SGCZ: variants seen among roughly 807,000 people sequenced by gnomAD.
SGCZ encodes the protein sarcoglycan zeta, also known as zeta-sarcoglycan.
Under a neutral mutation model 41.3 loss-of-function variants are expected in SGCZ, and 40 were observed. The observed-to-expected ratio is 0.97, with a 90% CI of 0.75 to 1.26. The LOEUF (loss-of-function observed/expected upper bound fraction) is 1.26, where lower values mean the gene tolerates loss of function less well. Ranked by LOEUF, SGCZ falls within the 50% of genes most tolerant of loss-of-function variation. SGCZ has a pLI of 0.00. For missense variants in SGCZ, 552 were observed against 369.8 expected (o/e 1.49, Z -4.04); for synonymous variants, 206 against 137.5 (o/e 1.50, Z -3.49).
intron 3 of SGCZ, among the ~76,000 whole-genome samples, chr8:14,257,618 G>A (rs1255270788): frequency 6.6e-6 from 1 of 150,414 alleles, no homozygotes; most frequent in Admixed American, 6.6e-5. Context: ...ATCTACTAAT[G>A]CTATCCCTCC....
intron 1 of SGCZ, among the ~76,000 whole-genome samples, chr8:14,960,711 T>G (rs1800935738): frequency 6.6e-6 from 1 of 152,100 alleles, no homozygotes; most frequent in Admixed American, 6.6e-5. Context: ...ACTGTACCAC[T>G]TCTGAGCTGT....
intron 1 of SGCZ, among the ~76,000 whole-genome samples, chr8:15,195,044 C>CA (rs981757027): frequency 6.6e-6 from 1 of 151,994 alleles, no homozygotes; most frequent in African/African-American, 2.4e-5. Flanking sequence ...TATTGCCATC[C>CA]AAAAAAATAA....
intron 1 of SGCZ, among the ~76,000 whole-genome samples, chr8:14,598,527 A>G (rs1805487975): frequency 6.6e-6 from 1 of 151,794 alleles, no homozygotes; most frequent in Non-Finnish European, 1.5e-5. Flanking sequence ...TTATATATAT[A>G]CATAGCTTTT....
chr8:15,052,008 A>G (rs1303559488), intron 1 of SGCZ, among the ~76,000 whole-genome samples: 3 of 152,186 alleles, frequency 2.0e-5, no homozygotes, highest in African/African-American at 4.8e-5. Flanking sequence ...TTGAAGTCAC[A>G]ACATTAATGT....
chr8:14,426,862 GA>G (rs1478410116), intron 2 of SGCZ, among the ~76,000 whole-genome samples: 1 of 152,024 alleles, frequency 6.6e-6, no homozygotes, highest in Non-Finnish European at 1.5e-5. Flanking sequence ...AAAAAGAATG[GA>G]AAAAATGTCT....
intron 1 of SGCZ, among the ~76,000 whole-genome samples, chr8:14,573,757 T>C (rs915701212): frequency 9.9e-5 from 15 of 152,134 alleles, no homozygotes; most frequent in African/African-American, 3.6e-4. Context: ...ATTCAACGAA[T>C]AGTATAAGTA....
At chr8:14,150,875 A>T (rs891695392) in intron 5 of SGCZ, among the ~76,000 whole-genome samples, 2 of 152,172 alleles carry the variant, frequency 1.3e-5, no homozygotes, top group African/African-American at 4.8e-5. Context: ...ACTTGCATCA[A>T]CGTGGATGGA....
chr8:14,582,029 C>T (rs1196365252), intron 1 of SGCZ, among the ~76,000 whole-genome samples: 1 of 152,114 alleles, frequency 6.6e-6, no homozygotes, highest in Non-Finnish European at 1.5e-5. Context: ...TCTTCTCCCT[C>T]CTCCTCAGCC....
intron 2 of SGCZ, among the ~76,000 whole-genome samples, chr8:14,419,255 G>A (rs17119276): frequency 0.57 from 86,422 of 151,778 alleles, 25,473 homozygotes; most frequent in South Asian, 0.75. Context: ...CCATATCTGG[G>A]TTATTAGACC....
intron 4 of SGCZ, among the ~76,000 whole-genome samples, chr8:14,186,371 G>T (rs56040119): frequency 0.44 from 66,645 of 152,024 alleles, 15,605 homozygotes; most frequent in South Asian, 0.7. Flanking sequence ...TAATGTGATG[G>T]AAATTCCACT....
chr8:15,037,756 AAAT>A (rs1205953094), intron 1 of SGCZ, among the ~76,000 whole-genome samples: 1 of 152,220 alleles, frequency 6.6e-6, no homozygotes, highest in Non-Finnish European at 1.5e-5. Context: ...AACTGTTTAG[AAAT>A]AATAAACAAA....
intron 1 of SGCZ, among the ~76,000 whole-genome samples, chr8:14,722,100 C>T (rs1488578255): frequency 6.6e-6 from 1 of 152,120 alleles, no homozygotes; most frequent in East Asian, 1.9e-4. Context: ...GTCTTGCTTT[C>T]TCCTTTTCCT....
intron 2 of SGCZ, among the ~76,000 whole-genome samples, chr8:14,529,532 T>C (rs768454808): frequency 1.2e-4 from 18 of 152,156 alleles, no homozygotes; most frequent in Non-Finnish European, 2.5e-4. Flanking sequence ...TAAGATACAT[T>C]AGCCCTCATC....
chr8:15,089,551 C>A (rs115189629), intron 1 of SGCZ, among the ~76,000 whole-genome samples: 2 of 151,966 alleles, frequency 1.3e-5, no homozygotes, highest in Non-Finnish European at 2.9e-5. Flanking sequence ...TAACTTTCAT[C>A]GAGTTTATAG....
Position 15,138,096 on chromosome 8 carries a change from G to C in SGCZ, c.39+99489C>G, listed in dbSNP as rs569492067. ...TCAGCATGACTTGGCTGTGAGACAC[G>C]GAATCAAAGGAGATCATTTTGGAAC... On this transcript the variant is annotated intron_variant, in intron 1 of 7. Transcript: ENST00000382080. Among the ~76,000 whole-genome samples, 5 of 152,258 alleles carry C rather than the reference G, an allele frequency of 3.3e-5. No homozygotes were observed. The South Asian group carries it at 1.0e-3, about 32-fold the overall frequency.
At chr8:15,152,559 A>G (rs1030861521) in intron 1 of SGCZ, among the ~76,000 whole-genome samples, 3 of 152,238 alleles carry the variant, frequency 2.0e-5, no homozygotes, top group Non-Finnish European at 4.4e-5. Context: ...AACACGACAG[A>G]AGAGCAATGA....
intron 3 of SGCZ, among the ~76,000 whole-genome samples, chr8:14,287,212 T>C (rs1800671853): frequency 1.3e-5 from 2 of 151,340 alleles, no homozygotes; most frequent in South Asian, 4.1e-4. Context: ...GTTATATATA[T>C]ATAATTTAAT....
intron 1 of SGCZ, among the ~76,000 whole-genome samples, chr8:15,061,319 T>G (rs1044576105): frequency 6.7e-6 from 1 of 149,180 alleles, no homozygotes; most frequent in South Asian, 2.1e-4. Flanking sequence ...CACTCATAAG[T>G]GGGAGTAGAA....
intron 2 of SGCZ, among the ~76,000 whole-genome samples, chr8:14,544,024 A>G (rs998827445): frequency 6.6e-6 from 1 of 152,140 alleles, no homozygotes; most frequent in Non-Finnish European, 1.5e-5. Flanking sequence ...AGCCCCGAGC[A>G]CAGAGTAATT....
Sources: gnomAD v4.1 joint callset for allele counts (sites outside exome capture counted in the v4.1 genomes callset) on GRCh38, gnomAD v4.1.1 for gene constraint, MANE v1.5 for transcripts, NCBI Gene and HGNC (gene_info 2026-07-23, HGNC 2026-07-21) for gene names.